NFASC: variants seen among roughly 807,000 people sequenced by gnomAD.
The protein encoded by NFASC is neurofascin homolog.
In NFASC, 43 loss-of-function variants were observed where a neutral mutation model predicts 147.5. The observed-to-expected ratio is 0.29, with a 90% CI of 0.23 to 0.38. The LOEUF (loss-of-function observed/expected upper bound fraction) is 0.38, where lower values mean the gene tolerates loss of function less well. Ranked by LOEUF, NFASC falls within the 10% of genes least tolerant of loss-of-function variation. The pLI is 1.00. For synonymous variants in NFASC, 622 were observed against 665.5 expected (o/e 0.93, Z 1.01); for missense variants, 1,320 against 1,689.0 (o/e 0.78, Z 3.83).
intron 2 of NFASC, among the ~76,000 whole-genome samples, chr1:204,938,655 C>A (rs80258781): frequency 0.026 from 3,929 of 152,238 alleles, 133 homozygotes; most frequent in African/African-American, 0.074. Flanking sequence ...TTCTACCAGG[C>A]AGATCATTAG....
At chr1:204,955,985 G>A (rs973862649) in intron 7 of NFASC, among the ~76,000 whole-genome samples, 3 of 152,180 alleles carry the variant, frequency 2.0e-5, no homozygotes, top group Non-Finnish European at 2.9e-5. Context: ...GCACATTTAT[G>A]GGGAAGGCTG....
chr1:204,890,255 A>G (rs1431435140), intron 1 of NFASC, among the ~76,000 whole-genome samples: 1 of 152,218 alleles, frequency 6.6e-6, no homozygotes, highest in Non-Finnish European at 1.5e-5. Flanking sequence ...TGTTGGCTGC[A>G]CATGTGCTCA....
At chr1:204,846,273 G>A (rs565046264) in intron 1 of NFASC, among the ~76,000 whole-genome samples, 1 of 152,044 alleles carries the variant, frequency 6.6e-6, no homozygotes. Context: ...ACAGGTAGAA[G>A]TGAGGTGTTA....
intron 25 of NFASC, chr1:205,000,921 C>T (rs1162585319): frequency 2.9e-5 from 16 of 549,588 alleles, no homozygotes; most frequent in East Asian, 1.3e-4. Context: ...GAAGTCCTCC[C>T]GACTGTACCT....
intron 1 of NFASC, among the ~76,000 whole-genome samples, chr1:204,900,493 A>G (rs746340955): frequency 6.6e-6 from 1 of 152,244 alleles, no homozygotes; most frequent in Non-Finnish European, 1.5e-5. Flanking sequence ...CACCTTCTAT[A>G]GACTGAACAC....
chr1:204,917,698 C>T (rs1213789553), intron 1 of NFASC, among the ~76,000 whole-genome samples: 1 of 152,008 alleles, frequency 6.6e-6, no homozygotes, highest in Non-Finnish European at 1.5e-5. Flanking sequence ...TCTCTGAGTC[C>T]TTTTGACATG....
At chr1:204,839,355 C>G (rs1674612517) in intron 1 of NFASC, among the ~76,000 whole-genome samples, 1 of 147,966 alleles carries the variant, frequency 6.8e-6, no homozygotes, top group South Asian at 2.2e-4. Context: ...AGAGGAAAGG[C>G]AGGCACGTAT....
At chr1:204,955,442 C>A (rs2094382154) in intron 7 of NFASC, among the ~76,000 whole-genome samples, 1 of 152,074 alleles carries the variant, frequency 6.6e-6, no homozygotes, top group Non-Finnish European at 1.5e-5. Context: ...CAATTATTGG[C>A]CGGTCTGGAT....
At chr1:204,961,147 A>G (rs116482927) in intron 8 of NFASC, among the ~76,000 whole-genome samples, 10,052 of 152,202 alleles carry the variant, frequency 0.066, 465 homozygotes, top group South Asian at 0.11. Context: ...CCAGAGGTAG[A>G]GAGGGAAAAG....
intron 17 of NFASC, 88 bp from the exon 18 acceptor site, chr1:204,978,880 C>A: frequency 9.7e-7 from 1 of 1,033,336 alleles, no homozygotes; most frequent in Admixed American, 2.5e-5. Context: ...GCGAAGACAG[C>A]CCGTCAGGGA....
In NFASC at chr1:204,949,417, G is replaced by A. The variant is rs146112549; in HGVS notation, c.92-1140G>A. On this transcript the variant is annotated intron_variant, in intron 3 of 29. Coordinates refer to ENST00000339876, the MANE Select transcript of NFASC (RefSeq NM_001005388.3). ...GGCTTTGCCCTGATGCTGGCAGCTC[G>A]CAGCTCCCCACAAGGAGCCCTCACT... is the stretch of plus-strand genomic sequence containing the variant. Among the ~76,000 whole-genome samples, 253 of 152,304 alleles carry A rather than the reference G, an allele frequency of 1.7e-3. 1 individual carries two copies. The highest frequency in any genetic ancestry group is 5.7e-3 in the African/African-American group (236 of 41,568).
intron 1 of NFASC, among the ~76,000 whole-genome samples, chr1:204,904,421 A>T (rs1572780631): frequency 6.6e-6 from 1 of 152,190 alleles, no homozygotes; most frequent in Non-Finnish European, 1.5e-5. Flanking sequence ...TCTAATGTGT[A>T]AAGTCAGCAT....
At chr1:204,832,023 G>A (rs545405414) in intron 1 of NFASC, among the ~76,000 whole-genome samples, 12 of 152,284 alleles carry the variant, frequency 7.9e-5, no homozygotes, top group African/African-American at 2.9e-4. Flanking sequence ...GATGCTATCC[G>A]GAATGGTAGC....
At chr1:204,980,755 G>C (rs1228021749) in intron 20 of NFASC, among the ~76,000 whole-genome samples, 2 of 152,138 alleles carry the variant, frequency 1.3e-5, no homozygotes, top group African/African-American at 2.4e-5. Context: ...AAGGAGGAGG[G>C]ACTGGGGTTA....
At chr1:204,870,771 G>A (rs2077552276) in intron 1 of NFASC, 8 of 1,165,902 alleles carry the variant, frequency 6.9e-6, no homozygotes, top group Non-Finnish European at 7.5e-6. Context: ...GACGTGGTGG[G>A]CTTGAGATAA....
intron 1 of NFASC, among the ~76,000 whole-genome samples, chr1:204,890,518 G>A (rs950913736): frequency 1.3e-5 from 2 of 152,064 alleles, no homozygotes; most frequent in African/African-American, 4.8e-5. Context: ...TTAAGTAAAG[G>A]TCCTTGAGAA....
chr1:204,876,996 G>GTATATATATA lies in NFASC; in HGVS notation c.-199-43613_-199-43604dup, dbSNP rs60582969. Among the ~76,000 whole-genome samples, 130 of 74,640 alleles carry GTATATATATA rather than the reference G, an allele frequency of 1.7e-3. 5 individuals are homozygous for GTATATATATA. The highest frequency in any genetic ancestry group is 5.7e-3 in the African/African-American group (98 of 17,234). 49.0% of individuals were successfully genotyped at this position (74,640 alleles called of 152,430 possible). The stretch of plus-strand genomic sequence containing the variant: ...TATGCCAAATGAGTTGGCTAAATAT[G>GTATATATATA]TATATATATATATATATATATATAT... On this transcript the variant is annotated intron_variant, in intron 1 of 29. Coordinates refer to ENST00000339876, the MANE Select transcript of NFASC (RefSeq NM_001005388.3).
chr1:204,962,120 A>G (rs773026144), intron 8 of NFASC: 2 of 1,613,468 alleles, frequency 1.2e-6, no homozygotes, highest in South Asian at 1.1e-5. Flanking sequence ...CACCCTTATA[A>G]TGACTCGTCC....
At chr1:204,964,204 A>G (rs1255426809) in intron 8 of NFASC, among the ~76,000 whole-genome samples, 3 of 152,196 alleles carry the variant, frequency 2.0e-5, no homozygotes, top group African/African-American at 7.2e-5. Context: ...TGCCAAATGG[A>G]TGTATTACCT....
Sources: gnomAD v4.1 joint callset for allele counts (sites outside exome capture counted in the v4.1 genomes callset) on GRCh38, gnomAD v4.1.1 for gene constraint, MANE v1.5 for transcripts, NCBI Gene and HGNC (gene_info 2026-07-23, HGNC 2026-07-21) for gene names.